The following ACTR3C variants were observed in gnomAD, a reference collection of about 807,000 sequenced individuals.
ACTR3C encodes actin related protein 3C.
A neutral mutation model predicts 26.3 loss-of-function variants in ACTR3C; 18 were observed. The ratio of observed to expected loss-of-function variants is 0.68; its 90% CI spans 0.47 to 1.01. The LOEUF (loss-of-function observed/expected upper bound fraction) is 1.01. Among genes scored for constraint, ACTR3C ranks in the 50% least tolerant of loss-of-function variants. ACTR3C has a pLI of 0.00. For missense variants in ACTR3C, 184 were observed against 250.7 expected, an observed-to-expected ratio of 0.73 and a Z score of 1.80; for synonymous variants, 55 against 94.5, an observed-to-expected ratio of 0.58 and a Z score of 2.42.
intron 1 of ACTR3C, among the ~76,000 whole-genome samples, chr7:150,296,356 G>GAA (rs545659816): frequency 8.2e-5 from 11 of 134,150 alleles, no homozygotes; most frequent in Non-Finnish European, 1.5e-4. Context: ...CCAAAAGACC[G>GAA]AAAAAAAAAA....
the ACTR3C span, among the ~76,000 whole-genome samples, chr7:150,107,805 G>A: frequency 6.6e-6 from 1 of 151,654 alleles, no homozygotes; most frequent in South Asian, 2.1e-4. Context: ...TATTTCAAGA[G>A]ATAAATATGA....
In ACTR3C at chr7:150,286,641, G is replaced by T. The variant is rs185195529; in HGVS notation, c.298-101C>A. ...AGCCCATGCAGTAAACACACCCTGG[G>T]ATCAGAACCGCCCCCACCGTTACTC... On this transcript the variant is annotated intron_variant, in intron 4 of 7. Coordinates refer to ENST00000683684, the MANE Select transcript of ACTR3C (RefSeq NM_001164458.2). 48 of 1,493,274 alleles carry T rather than the reference G, an allele frequency of 3.2e-5. No individual in the cohort carries two copies. In the African/African-American group the frequency reaches 5.8e-4, roughly 18 times the overall value. The allele number at this position is 1,493,274 out of a possible 1,614,324, so 92.5% of individuals were successfully genotyped here.
the ACTR3C span, among the ~76,000 whole-genome samples, chr7:150,125,925 T>C: frequency 1.3e-5 from 2 of 152,194 alleles, no homozygotes; most frequent in African/African-American, 4.8e-5. Flanking sequence ...GACAACTTAA[T>C]TGAGTCCTGC....
the ACTR3C span, among the ~76,000 whole-genome samples, chr7:150,216,935 A>C: frequency 6.8e-6 from 1 of 147,202 alleles, no homozygotes; most frequent in Admixed American, 6.7e-5. Flanking sequence ...GCAGTGAGCC[A>C]AGATCATGCC....
the ACTR3C span, among the ~76,000 whole-genome samples, chr7:150,144,181 A>G: frequency 6.6e-6 from 1 of 152,160 alleles, no homozygotes; most frequent in Non-Finnish European, 1.5e-5. The surrounding 1 kb of genome is among the most constrained non-coding windows in gnomAD (Gnocchi z 4.6). Flanking sequence ...TATTAAATTC[A>G]GCAGCAATGC....
At chr7:150,240,760 A>G (rs973212750), downstream of ACTR3C, among the ~76,000 whole-genome samples, 32 of 152,346 alleles carry the variant, frequency 2.1e-4, 1 homozygote, top group Admixed American at 2.1e-3. Context: ...ACAAAAAGAT[A>G]TAAACGAAGT....
At chr7:149,919,712 CTTG>C in the ACTR3C span, among the ~76,000 whole-genome samples, 1 of 152,138 alleles carries the variant, frequency 6.6e-6, no homozygotes, top group African/African-American at 2.4e-5. Flanking sequence ...TGTACTATTC[CTTG>C]TTGTTGCCTG....
At chr7:150,203,768 T>G in the ACTR3C span, among the ~76,000 whole-genome samples, 1 of 152,102 alleles carries the variant, frequency 6.6e-6, no homozygotes, top group Non-Finnish European at 1.5e-5. Context: ...GGTTTCACCA[T>G]ATTGGCCAGG....
chr7:150,016,277 T>C, the ACTR3C span, among the ~76,000 whole-genome samples: 1 of 152,256 alleles, frequency 6.6e-6, no homozygotes, highest in South Asian at 2.1e-4. Context: ...AGCTCAAAAT[T>C]CTGACAACTG....
At chr7:150,133,225 C>G in the ACTR3C span, among the ~76,000 whole-genome samples, 1 of 152,138 alleles carries the variant, frequency 6.6e-6, no homozygotes, top group Admixed American at 6.5e-5. Context: ...AACAGCTGAA[C>G]AGCCCTGTGT....
the ACTR3C span, among the ~76,000 whole-genome samples, chr7:150,139,625 A>G: frequency 1.3e-5 from 2 of 152,298 alleles, no homozygotes; most frequent in African/African-American, 4.8e-5. Flanking sequence ...GCAATTTTCA[A>G]AGCCTAATAA....
the ACTR3C span, among the ~76,000 whole-genome samples, chr7:149,963,495 C>T: frequency 1.3e-5 from 2 of 152,202 alleles, no homozygotes; most frequent in Admixed American, 1.3e-4. Flanking sequence ...CCCCTCTCTC[C>T]AGCTCGTGAG....
the ACTR3C span, among the ~76,000 whole-genome samples, chr7:149,887,113 T>C: frequency 6.6e-6 from 1 of 152,084 alleles, no homozygotes; most frequent in South Asian, 2.1e-4. Flanking sequence ...GGAGAATTTT[T>C]AAAATTATCA....
chr7:149,955,552 G>A, the ACTR3C span, among the ~76,000 whole-genome samples: 47 of 152,190 alleles, frequency 3.1e-4, no homozygotes, highest in Admixed American at 2.9e-3. Flanking sequence ...GAGGAAGGGC[G>A]GGGAAAAGAG....
chr7:150,222,161 T>C, the ACTR3C span, among the ~76,000 whole-genome samples: 5 of 152,186 alleles, frequency 3.3e-5, no homozygotes, highest in African/African-American at 4.8e-5. Context: ...CAAATTATTG[T>C]GTTTGGTTGC....
the ACTR3C span, among the ~76,000 whole-genome samples, chr7:149,907,478 T>TTCTCTTCTCTTCTCTC: frequency 9.2e-5 from 9 of 97,684 alleles, no homozygotes; most frequent in South Asian, 1.8e-3. Context: ...CTCTCTTCTC[T>TTCTCTTCTCTTCTCTC]TCTCTCTCTC....
At chr7:150,307,205 T>C (rs919985126) in intron 1 of ACTR3C, among the ~76,000 whole-genome samples, 2 of 152,214 alleles carry the variant, frequency 1.3e-5, no homozygotes, top group Non-Finnish European at 2.9e-5. Flanking sequence ...GAAATATCAA[T>C]CAAATACATG....
the ACTR3C span, among the ~76,000 whole-genome samples, chr7:149,984,273 A>G: frequency 6.6e-6 from 1 of 151,086 alleles, no homozygotes; most frequent in Admixed American, 6.6e-5. Context: ...GCATAATCTC[A>G]GCTCACTGCA....
At chr7:150,257,158 T>C (rs187264040) in intron 6 of ACTR3C, among the ~76,000 whole-genome samples, 1 of 152,166 alleles carries the variant, frequency 6.6e-6, no homozygotes, top group East Asian at 1.9e-4. Context: ...AAAGCAGGAC[T>C]TTGAGGAAAA....
Sources: allele counts gnomAD v4.1 joint callset (sites outside exome capture counted in the v4.1 genomes callset), GRCh38; gene constraint gnomAD v4.1.1; non-coding constraint Gnocchi (gnomAD v3.1); transcripts MANE v1.5; gene names NCBI Gene and HGNC (gene_info 2026-07-23, HGNC 2026-07-21).